Variants in CELSR1 observed in about 807,000 individuals in gnomAD.
CELSR1 encodes adhesion G protein-coupled receptor C1.
A neutral mutation model predicts 249.1 loss-of-function variants in CELSR1; 110 were observed. That is an observed-to-expected ratio of 0.44 (90% CI 0.38 to 0.52). The LOEUF is 0.52. CELSR1 is among the 20% of genes least tolerant of loss of function. The pLI is 0.00. For synonymous variants in CELSR1, 2,113 were observed against 1,900.0 expected, an observed-to-expected ratio of 1.11 and a Z score of -2.92; for missense variants, 4,109 against 4,296.4, an observed-to-expected ratio of 0.96 and a Z score of 1.22.
chr22:46,376,022 G>C (rs1312954979), intron 24 of CELSR1, among the ~76,000 whole-genome samples: 1 of 152,212 alleles, frequency 6.6e-6, no homozygotes, highest in South Asian at 2.1e-4. Context: ...GTGGGTTCCT[G>C]ATGTTACAGG....
At position 46,362,705 on chromosome 22, in the gene CELSR1, T is replaced by A. The variant is rs930546489; in HGVS notation, c.*518A>T. 5 of 169,686 alleles carry A rather than the reference T, an allele frequency of 2.9e-5. No individual in the cohort carries two copies. Among genetic ancestry groups the A allele is most frequent in the African/African-American group, 1.2e-4 (5 of 42,146 alleles). 10.5% of individuals were successfully genotyped at this position (169,686 alleles called of 1,614,324 possible). A position where few individuals can be genotyped will look rare whatever the true frequency, so the allele number is the denominator to read the frequency against. On this transcript the variant is annotated 3_prime_UTR_variant, in exon 35 of 35. Coordinates refer to ENST00000674500, the MANE Select transcript of CELSR1 (RefSeq NM_001378328.1). ...CTCCTCAGAGTCCCATACAAATATA[T>A]AAAAGTATCTCCACCTTTCCCACAT...
intron 24 of CELSR1, 59 bp from the exon 25 acceptor site, chr22:46,373,116 G>A (rs2078874365): frequency 6.7e-7 from 1 of 1,490,716 alleles, no homozygotes; most frequent in South Asian, 1.3e-5. Context: ...GGTCAGACAG[G>A]CATGAGTGAG....
intron 9 of CELSR1, among the ~76,000 whole-genome samples, chr22:46,405,312 T>C (rs1010322598): frequency 6.6e-6 from 1 of 151,464 alleles, no homozygotes. Context: ...TACAAAAAAT[T>C]AGCCAGGCGT....
intron 1 of CELSR1, chr22:46,481,542 C>T: frequency 7.8e-7 from 1 of 1,289,934 alleles, no homozygotes; most frequent in Non-Finnish European, 1.1e-6. Context: ...CACTGGTGAT[C>T]AAAGCCTGGG....
rs890988074 is a variant in CELSR1 at position 46,446,236 on chromosome 22, C to T, written c.4184-6825G>A. Among the ~76,000 whole-genome samples the T allele has an allele frequency of 1.3e-5, 2 of 152,208 alleles. No individual in the cohort carries two copies. The highest frequency in any genetic ancestry group is 1.9e-4 in the East Asian group (1 of 5,188). ...TACACTGCAGGCCATCCTCCAGCCCCGCGTCCTCTCTCTTAGTCTCTGCAT... is the reference window on the plus strand; with the variant it reads ...TACACTGCAGGCCATCCTCCAGCCCTGCGTCCTCTCTCTTAGTCTCTGCAT... On this transcript the variant is annotated intron_variant, in intron 2 of 34. Coordinates refer to ENST00000674500, the MANE Select transcript of CELSR1 (RefSeq NM_001378328.1). This position sits in a 1 kb window ranked among gnomAD's most constrained non-coding sequence, Gnocchi z 5.5.
chr22:46,365,104 C>T, intron 32 of CELSR1, 127 bp downstream of exon 32: 2 of 1,315,332 alleles, frequency 1.5e-6, no homozygotes, highest in Non-Finnish European at 2.0e-6. Context: ...CCACCCCAGG[C>T]TGTCCTTTCA....
At chr22:46,403,652 T>C (rs568755560) in intron 9 of CELSR1, among the ~76,000 whole-genome samples, 2 of 152,102 alleles carry the variant, frequency 1.3e-5, no homozygotes, top group Non-Finnish European at 2.9e-5. Context: ...AGATAACAAC[T>C]GCAGAGCACA....
At position 46,380,774 on chromosome 22, in the gene CELSR1, G is replaced by C. The variant is rs767086460; in HGVS notation, c.7256+14C>G. The C allele has an allele frequency of 6.2e-7, 1 of 1,609,046 alleles. No individual in the cohort carries two copies. On this transcript the variant is annotated intron_variant, in intron 22 of 34. Coordinates refer to ENST00000674500, the MANE Select transcript of CELSR1 (RefSeq NM_001378328.1). This position sits in a 1 kb window ranked among gnomAD's most constrained non-coding sequence, Gnocchi z 5.1. Reference sequence around the variant, plus strand: ...GGCAAAGCCCTCACATGGGGCTCCTGGCGTCACACTTACGCCAGGGAGTGG... The same window carrying C: ...GGCAAAGCCCTCACATGGGGCTCCTCGCGTCACACTTACGCCAGGGAGTGG...
chr22:46,535,871 G>A lies in CELSR1; in HGVS notation c.1300C>T (p.Arg434Cys), dbSNP rs552847800. Reference protein sequence around the residue: ...QLLVEANDQGRNPGPLSATAT... With the variant: ...QLLVEANDQGCNPGPLSATAT... ...GTGGCACTGAGCGGGCCCGGATTGC[G>A]CCCCTGGTCGTTGGCCTCCACCAGG... is the stretch of plus-strand genomic sequence containing the variant. Residue 434 changes from arginine (R) to cysteine (C), a missense_variant, in exon 1 of 35, where the codon CGC becomes TGC. Arg to Cys is a radical substitution (Grantham distance 180). Around this residue, in one of 7 missense-constraint regions of CELSR1, gnomAD observed 673 missense variants for 636.8 expected, o/e 1.06. Transcript: ENST00000674500. The A allele has an allele frequency of 5.0e-6, 8 of 1,610,092 alleles. No homozygotes were observed. Among genetic ancestry groups the A allele is most frequent in the South Asian group, 3.3e-5 (3 of 91,012 alleles).
intron 23 of CELSR1, among the ~76,000 whole-genome samples, chr22:46,378,244 C>A (rs907185592): frequency 6.6e-6 from 1 of 152,206 alleles, no homozygotes; most frequent in Non-Finnish European, 1.5e-5. Flanking sequence ...CCAACAGACC[C>A]GCACTGAAGT....
At chr22:46,533,467 G>A (rs547357414) in intron 1 of CELSR1, among the ~76,000 whole-genome samples, 160 bp downstream of exon 1, 24 of 152,326 alleles carry the variant, frequency 1.6e-4, no homozygotes, top group African/African-American at 5.3e-4. Context: ...TAGGCCGGGC[G>A]CCCACCCCCA....
At position 46,537,553 on chromosome 22, in the gene CELSR1, C is replaced by G. The variant is rs2042703444; in HGVS notation, c.-383G>C. 6.8e-6 allele frequency among the ~76,000 whole-genome samples: 1 copy of G among 147,346 alleles called. No individual in the cohort carries two copies. Among genetic ancestry groups the G allele is most frequent in the African/African-American group, 2.4e-5 (1 of 40,830 alleles). Reference sequence around the variant, plus strand: ...CGGCGCGGGGCGGGGGCTGAGTTCCCGGAGCGGGCTGGGCAGCTCCGCGCC... The same window carrying G: ...CGGCGCGGGGCGGGGGCTGAGTTCCGGGAGCGGGCTGGGCAGCTCCGCGCC... On this transcript the variant is annotated 5_prime_UTR_variant, in exon 1 of 35. Coordinates refer to ENST00000674500, the MANE Select transcript of CELSR1 (RefSeq NM_001378328.1). This position sits in a 1 kb window ranked among gnomAD's most constrained non-coding sequence, Gnocchi z 5.8.
At chr22:46,383,101 C>T (rs1569120536) in intron 20 of CELSR1, among the ~76,000 whole-genome samples, 1 of 152,038 alleles carries the variant, frequency 6.6e-6, no homozygotes, top group Admixed American at 6.6e-5. Flanking sequence ...CTTGGTGCCC[C>T]GCCCTTGGTA....
In CELSR1 at chr22:46,500,120, A is replaced by C. The variant is rs1193107122; in HGVS notation, c.3544+33507T>G. Among the ~76,000 whole-genome samples, 15 of 104,542 alleles carry C rather than the reference A, an allele frequency of 1.4e-4. No individual in the cohort carries two copies. The highest frequency in any genetic ancestry group is 2.4e-4 in the African/African-American group (6 of 25,276). 68.6% of individuals were successfully genotyped at this position (104,542 alleles called of 152,430 possible). The stretch of plus-strand genomic sequence containing the variant: ...CCCCTGATCCTCCCAGCATGATCCC[A>C]CCCCAGCCCCTGGTCCTCCCAGCAT... On this transcript the variant is annotated intron_variant, in intron 1 of 34. Coordinates refer to ENST00000674500, the MANE Select transcript of CELSR1 (RefSeq NM_001378328.1). This position sits in a 1 kb window ranked among gnomAD's most constrained non-coding sequence, Gnocchi z 4.9.
At chr22:46,366,856 G>C in intron 29 of CELSR1, 137 bp downstream of exon 29, 1 of 1,250,842 alleles carries the variant, frequency 8.0e-7, no homozygotes. Context: ...GCCACACCGT[G>C]CACCGCGGGC....
chr22:46,469,529 GTTTTGAGATGGAGTC>G (rs1345358235), intron 1 of CELSR1, among the ~76,000 whole-genome samples: 1 of 151,882 alleles, frequency 6.6e-6, no homozygotes, highest in Non-Finnish European at 1.5e-5. Flanking sequence ...TTGTTTGTTT[GTTTTGAGATGGAGTC>G]TCGCTCTGTT....
rs754966993 is a variant in CELSR1 at position 46,500,661 on chromosome 22, CT to C, written c.3544+32965del. Among the ~76,000 whole-genome samples the C allele has an allele frequency of 9.9e-5, 15 of 152,162 alleles. No homozygotes were observed. Among genetic ancestry groups the C allele is most frequent in the Non-Finnish European group, 1.8e-4 (12 of 68,028 alleles). On this transcript the variant is annotated intron_variant, in intron 1 of 34. Coordinates refer to ENST00000674500, the MANE Select transcript of CELSR1 (RefSeq NM_001378328.1). The surrounding 1 kb of genome is among the most constrained non-coding windows in gnomAD (Gnocchi z 4.9). ...AGTTTACAACAATGACTCTGCAGGC[CT>C]TTTGTCAGATGCCATTTTTCTTACT... is the stretch of plus-strand genomic sequence containing the variant.
At chr22:46,435,248 G>A (rs1391077248) in intron 4 of CELSR1, among the ~76,000 whole-genome samples, 1 of 146,408 alleles carries the variant, frequency 6.8e-6, no homozygotes, top group Non-Finnish European at 1.5e-5. Flanking sequence ...CACCTTGCCT[G>A]GCCAGCCTTG....
chr22:46,482,878 G>A (rs945455739), intron 1 of CELSR1, among the ~76,000 whole-genome samples: 1 of 152,180 alleles, frequency 6.6e-6, no homozygotes, highest in African/African-American at 2.4e-5. Context: ...CTGTAGACAA[G>A]GGAGTGCTGG....
Sources: gnomAD v4.1 joint callset for allele counts (sites outside exome capture counted in the v4.1 genomes callset) on GRCh38, gnomAD v4.1.1 for gene constraint, gnomAD v4.1.1 regional missense constraint, Gnocchi (gnomAD v3.1) non-coding constraint, MANE v1.5 for transcripts, NCBI Gene and HGNC (gene_info 2026-07-23, HGNC 2026-07-21) for gene names.